The following DAB1 variants were observed in gnomAD, a reference collection of about 807,000 sequenced individuals.
DAB1 encodes the protein disabled homolog 1.
In DAB1, 15 loss-of-function variants were observed where a neutral mutation model predicts 64.6. That is an observed-to-expected ratio of 0.23 (90% CI 0.16 to 0.36). The LOEUF (loss-of-function observed/expected upper bound fraction) is 0.36, where lower values mean the gene tolerates loss of function less well. Ranked by LOEUF, DAB1 falls within the 10% of genes least tolerant of loss-of-function variation. The probability of loss-of-function intolerance (pLI) is 1.00; values close to 1 mark genes in which losing one functional copy is unlikely to be tolerated. For synonymous variants in DAB1, 235 were observed against 251.9 expected (o/e 0.93, Z 0.64); for missense variants, 596 against 706.7 (o/e 0.84, Z 1.78).
intron 7 of DAB1, among the ~76,000 whole-genome samples, chr1:57,574,028 G>A (rs1645221257): frequency 6.6e-6 from 1 of 152,144 alleles, no homozygotes; most frequent in African/African-American, 2.4e-5. Context: ...AAGAAGAGTG[G>A]TTCTTAGAGA....
intron 7 of DAB1, among the ~76,000 whole-genome samples, chr1:57,513,089 T>G (rs190016197): frequency 1.3e-3 from 198 of 152,324 alleles, no homozygotes; most frequent in African/African-American, 4.5e-3. Flanking sequence ...GTCAAAATGA[T>G]ACAACCAGTG....
At chr1:57,025,899 C>T in intron 10 of DAB1, 82 bp downstream of exon 10, 1 of 1,162,380 alleles carries the variant, frequency 8.6e-7, no homozygotes. Context: ...CTCTTTCACT[C>T]AAAGCCCATA....
chr1:57,148,829 T>C (rs190882829), intron 2 of DAB1, among the ~76,000 whole-genome samples: 10 of 152,234 alleles, frequency 6.6e-5, no homozygotes, highest in African/African-American at 2.4e-4. Flanking sequence ...CCTGAATGTT[T>C]AAATAACAGC....
chr1:57,256,409 G>A (rs569465079), intron 2 of DAB1, among the ~76,000 whole-genome samples: 39 of 152,280 alleles, frequency 2.6e-4, no homozygotes, highest in South Asian at 1.0e-3. Context: ...AAGGACAAAG[G>A]TTTGGGGTCC....
intron 7 of DAB1, among the ~76,000 whole-genome samples, chr1:57,440,155 C>T (rs1685887191): frequency 6.6e-6 from 1 of 152,194 alleles, no homozygotes. Flanking sequence ...ATGAAACCTT[C>T]TCTGACCATT....
intron 3 of DAB1, among the ~76,000 whole-genome samples, chr1:58,366,805 G>C (rs1002917386): frequency 6.6e-5 from 10 of 152,120 alleles, no homozygotes; most frequent in Admixed American, 4.6e-4. Context: ...TATTAGTAAG[G>C]GTAATTCACT....
At chr1:57,341,399 C>T (rs928552164) in intron 1 of DAB1, among the ~76,000 whole-genome samples, 8 of 152,198 alleles carry the variant, frequency 5.3e-5, no homozygotes, top group Non-Finnish European at 1.0e-4. Context: ...CACTTCTGTG[C>T]ACTGTGAATT....
Position 58,275,510 on chromosome 1 carries a change from A to T in DAB1, n.309+67842T>A, listed in dbSNP as rs933094173. ...AAACAAATAAATTGGCAAAAACTTG[A>T]ATAGTTATTTCTCCAAAGAATATAT... On this transcript the variant is annotated intron_variant and non_coding_transcript_variant, in intron 4 of 20. Coordinates refer to the DAB1 transcript ENST00000485760. Among the ~76,000 whole-genome samples, 4 of 152,206 alleles carry T rather than the reference A, an allele frequency of 2.6e-5. No homozygotes were observed. In the East Asian group the frequency reaches 7.7e-4, roughly 29 times the overall value.
At chr1:57,390,001 G>A (rs1019172965) in intron 1 of DAB1, among the ~76,000 whole-genome samples, 1 of 152,342 alleles carries the variant, frequency 6.6e-6, no homozygotes, top group Admixed American at 6.5e-5. Flanking sequence ...GGGTCACAGT[G>A]TAAACCCAGG....
intron 4 of DAB1, among the ~76,000 whole-genome samples, chr1:57,097,962 AGGGACG>A (rs1654325412): frequency 6.6e-6 from 1 of 152,064 alleles, no homozygotes. Flanking sequence ...TATTTTTAAT[AGGGACG>A]GGGTTTCACC....
intron 1 of DAB1, among the ~76,000 whole-genome samples, chr1:58,538,268 A>C (rs1195907886): frequency 5.3e-5 from 8 of 152,222 alleles, no homozygotes; most frequent in Admixed American, 4.6e-4. Flanking sequence ...AAGGAAAAAA[A>C]CAAAGATTTG....
rs532279622 is a variant in DAB1 at position 58,331,157 on chromosome 1, C to T, written n.309+12195G>A. Among the ~76,000 whole-genome samples the T allele has an allele frequency of 6.6e-5, 10 of 152,258 alleles. 1 individual carries two copies. The South Asian group carries it at 1.9e-3, about 28-fold the overall frequency. ...ACAGGCTGTTGGAAGAAGTTGATTC[C>T]AACCCTTATGGATGACTTTGAAAGG... On this transcript the variant is annotated intron_variant and non_coding_transcript_variant, in intron 4 of 20. Transcript: ENST00000485760.
chr1:57,281,550 A>T (rs1460765070), intron 2 of DAB1, among the ~76,000 whole-genome samples: 1 of 152,162 alleles, frequency 6.6e-6, no homozygotes, highest in Non-Finnish European at 1.5e-5. Flanking sequence ...CTGGACAGAT[A>T]AGAAGGGGTC....
chr1:57,154,963 T>C (rs763451145), intron 2 of DAB1, among the ~76,000 whole-genome samples: 2 of 152,204 alleles, frequency 1.3e-5, no homozygotes, highest in African/African-American at 2.4e-5. Flanking sequence ...TTTGCAAATA[T>C]TTTATCTCAT....
intron 2 of DAB1, among the ~76,000 whole-genome samples, chr1:58,512,679 G>T (rs1341088332): frequency 6.6e-6 from 1 of 152,190 alleles, no homozygotes. Context: ...CCACTTACAT[G>T]TGGTATGTAT....
chr1:58,190,966 A>G (rs1009311459), intron 4 of DAB1, among the ~76,000 whole-genome samples: 16 of 152,208 alleles, frequency 1.1e-4, no homozygotes, highest in African/African-American at 2.2e-4. Flanking sequence ...CCAGGCCCCA[A>G]TGGGCTCTCA....
rs573227121 is a variant in DAB1, at chr1:57,990,345, T to C, written n.388-106183A>G. Among the ~76,000 whole-genome samples, 5 of 152,330 alleles carry C rather than the reference T, an allele frequency of 3.3e-5. No homozygotes were observed. In the South Asian group the frequency reaches 1.0e-3, roughly 32 times the overall value. On this transcript the variant is annotated intron_variant and non_coding_transcript_variant, in intron 5 of 20. Transcript: ENST00000485760. ...ACAGAAATGGGATCCAATCCAAATA[T>C]GTTTCATTCTAAAGCCCATGCTCTT...
chr1:57,159,512 CTTAAATTTGTTTTCTGTG>C (rs1660539893), intron 2 of DAB1, among the ~76,000 whole-genome samples: 1 of 152,116 alleles, frequency 6.6e-6, no homozygotes, highest in Non-Finnish European at 1.5e-5. Context: ...CTAACATTTT[CTTAAATTTGTTTTCTGTG>C]TATCCCATAC....
chr1:58,499,314 CAAAAAAAAAAAAAA>C (rs58217798), intron 3 of DAB1, among the ~76,000 whole-genome samples: 4 of 69,742 alleles, frequency 5.7e-5, no homozygotes, highest in Non-Finnish European at 1.1e-4. Flanking sequence ...CACATCTCTA[CAAAAAAAAAAAAAA>C]AAAAAAAAAG....
Sources: allele counts gnomAD v4.1 joint callset (sites outside exome capture counted in the v4.1 genomes callset), GRCh38; gene constraint gnomAD v4.1.1; transcripts MANE v1.5; gene names NCBI Gene and HGNC (gene_info 2026-07-23, HGNC 2026-07-21).